The following MAN1A1 variants were observed in gnomAD, a reference collection of about 807,000 sequenced individuals.
The protein encoded by MAN1A1 is mannosidase alpha class 1A member 1, also known as mannosyl-oligosaccharide 1,2-alpha-mannosidase IA.
MAN1A1 carries 29 observed loss-of-function variants against 70.8 expected under a neutral mutation model. The ratio of observed to expected loss-of-function variants is 0.41; its 90% CI spans 0.31 to 0.56. The LOEUF (loss-of-function observed/expected upper bound fraction) is 0.56, where lower values mean the gene tolerates loss of function less well. MAN1A1 is among the 20% of genes least tolerant of loss of function. The probability of loss-of-function intolerance (pLI) is 0.29; values close to 1 mark genes in which losing one functional copy is unlikely to be tolerated. For synonymous variants in MAN1A1, 349 were observed against 330.1 expected, an observed-to-expected ratio of 1.06 and a Z score of -0.62; for missense variants, 747 against 841.3, an observed-to-expected ratio of 0.89 and a Z score of 1.39.
chr6:119,290,742 C>A lies in MAN1A1; in HGVS notation c.838G>T (p.Glu280Ter), dbSNP rs1285612813. 2 of 1,609,570 alleles carry A rather than the reference C, an allele frequency of 1.2e-6. No individual in the cohort carries two copies. Among genetic ancestry groups the A allele is most frequent in the Non-Finnish European group, 1.7e-6 (2 of 1,177,256 alleles). Residue 280 changes from glutamate (E) to a stop codon, truncating the protein, a stop_gained, in exon 5 of 13, where the codon GAA becomes TAA. Transcript: ENST00000368468. LOFTEE classifies it high-confidence loss of function. ...CCACCAACAAAGCGTATATTTACTT[C>A]AAAGACAGAAATTTCAGCATTCTAT... ...FNVNAEISVF[E>*]VNIRFVGGLL...
chr6:119,313,414 T>C (rs189704859), intron 2 of MAN1A1, among the ~76,000 whole-genome samples: 120 of 152,286 alleles, frequency 7.9e-4, no homozygotes, highest in Admixed American at 1.4e-3. Context: ...TAGTTTCCAA[T>C]TTTACCCCAT....
intron 2 of MAN1A1, among the ~76,000 whole-genome samples, chr6:119,341,503 G>A (rs1773592229): frequency 6.6e-6 from 1 of 152,152 alleles, no homozygotes; most frequent in Non-Finnish European, 1.5e-5. Context: ...GGGAATCTCA[G>A]GAAGTCACAG....
chr6:119,225,118 T>C (rs1281295468), intron 6 of MAN1A1, among the ~76,000 whole-genome samples: 1 of 152,016 alleles, frequency 6.6e-6, no homozygotes, highest in African/African-American at 2.4e-5. Flanking sequence ...CACTCCAGCC[T>C]GGGCAACAGA....
chr6:119,301,257 A>G (rs542884682), intron 4 of MAN1A1, among the ~76,000 whole-genome samples: 2 of 152,318 alleles, frequency 1.3e-5, no homozygotes, highest in South Asian at 2.1e-4. Flanking sequence ...TTCTCTTAGT[A>G]TAAGTTCTTT....
At chr6:119,218,773 G>A (rs115251503) in intron 6 of MAN1A1, among the ~76,000 whole-genome samples, 10 of 152,292 alleles carry the variant, frequency 6.6e-5, no homozygotes, top group Non-Finnish European at 1.0e-4. Context: ...CTGGGATGGC[G>A]TACTGGCCAG....
chr6:119,344,764 T>G (rs1360230355), intron 2 of MAN1A1, among the ~76,000 whole-genome samples: 2 of 152,228 alleles, frequency 1.3e-5, no homozygotes, highest in African/African-American at 4.8e-5. Context: ...TAATATAAAT[T>G]ATAGGCTATA....
chr6:119,182,520 TG>T (rs369771259), intron 11 of MAN1A1, among the ~76,000 whole-genome samples: 43 of 151,668 alleles, frequency 2.8e-4, no homozygotes, highest in African/African-American at 8.3e-4. Flanking sequence ...CATTTTGAGT[TG>T]TTTTTTTTTT....
chr6:119,189,767 C>T lies in MAN1A1; in HGVS notation c.1443G>A (p.Met481Ile), dbSNP rs749493890. The change falls in exon 10 of 13, where the codon ATG becomes ATA. Residue 481 changes from methionine to isoleucine, a missense_variant. Physicochemically the swap from Met to Ile is conservative, Grantham distance 10. This residue lies in a region of MAN1A1 where 419 missense variants were observed against 548.2 expected (regional missense o/e 0.76). Coordinates refer to ENST00000368468, the MANE Select transcript of MAN1A1 (RefSeq NM_005907.4). Reference sequence around the variant, plus strand: ...GAGCTGCATCAGCCCCGAGTGCGAACATGCCCCCCGCGAAGCAGGTCAGGT... The same window carrying T: ...GAGCTGCATCAGCCCCGAGTGCGAATATGCCCCCCGCGAAGCAGGTCAGGT... ...MGHLTCFAGG[M>I]FALGADAAPE... 2 of 1,614,044 alleles carry T rather than the reference C, an allele frequency of 1.2e-6. No homozygotes were observed. Among genetic ancestry groups the T allele is most frequent in the African/African-American group, 2.7e-5 (2 of 74,936 alleles).
chr6:119,321,314 A>G (rs927895155), intron 2 of MAN1A1, among the ~76,000 whole-genome samples: 1 of 152,220 alleles, frequency 6.6e-6, no homozygotes, highest in Non-Finnish European at 1.5e-5. Context: ...CAAACAGAGA[A>G]GTATGACCTT....
chr6:119,216,735 T>A (rs1177883368), intron 6 of MAN1A1, among the ~76,000 whole-genome samples: 1 of 152,132 alleles, frequency 6.6e-6, no homozygotes, highest in African/African-American at 2.4e-5. Context: ...AACATACATA[T>A]GGTAAAAAAT....
chr6:119,302,758 A>T (rs1226287435), intron 3 of MAN1A1, among the ~76,000 whole-genome samples: 1 of 152,226 alleles, frequency 6.6e-6, no homozygotes, highest in Non-Finnish European at 1.5e-5. Context: ...ATGTAATTAC[A>T]TCAAAGTGCA....
At chr6:119,196,401 G>C (rs147344403) in intron 8 of MAN1A1, among the ~76,000 whole-genome samples, 1 of 151,792 alleles carries the variant, frequency 6.6e-6, no homozygotes, top group East Asian at 1.9e-4. Context: ...CACTCACTAA[G>C]CTTCCTTCAG....
At chr6:119,339,631 A>C in intron 2 of MAN1A1, among the ~76,000 whole-genome samples, 1 of 152,064 alleles carries the variant, frequency 6.6e-6, no homozygotes, top group East Asian at 1.9e-4. Context: ...TGTGCTTTCA[A>C]ATTTTTCTTT....
chr6:119,325,097 C>T (rs1315952894), intron 2 of MAN1A1, among the ~76,000 whole-genome samples: 1 of 152,160 alleles, frequency 6.6e-6, no homozygotes, highest in Non-Finnish European at 1.5e-5. Context: ...ATAGTAGTTA[C>T]AATTCCAGAC....
intron 5 of MAN1A1, among the ~76,000 whole-genome samples, chr6:119,252,570 G>A (rs1473199320): frequency 6.6e-6 from 1 of 152,086 alleles, no homozygotes; most frequent in Non-Finnish European, 1.5e-5. Context: ...GAGGCGGGTG[G>A]ATCACGAAGT....
At chr6:119,274,635 T>C (rs1366630436) in intron 5 of MAN1A1, among the ~76,000 whole-genome samples, 1 of 152,170 alleles carries the variant, frequency 6.6e-6, no homozygotes, top group Non-Finnish European at 1.5e-5. Context: ...CCATTTTCAA[T>C]ATGCCTGAGA....
At chr6:119,216,282 G>A (rs1024556818) in intron 6 of MAN1A1, among the ~76,000 whole-genome samples, 5 of 152,214 alleles carry the variant, frequency 3.3e-5, no homozygotes, top group African/African-American at 1.2e-4. Flanking sequence ...CATAAAAGGA[G>A]GAGTGTAGGC....
chr6:119,211,814 CT>C (rs556182640), intron 6 of MAN1A1, among the ~76,000 whole-genome samples: 29 of 144,444 alleles, frequency 2.0e-4, no homozygotes, highest in East Asian at 6.1e-4. Context: ...TTAAGCTTAT[CT>C]TTTTTTTTTA....
At chr6:119,184,920 G>A (rs935877268) in intron 11 of MAN1A1, among the ~76,000 whole-genome samples, 4 of 151,708 alleles carry the variant, frequency 2.6e-5, no homozygotes, top group South Asian at 2.1e-4. Context: ...AGAGAGTCTC[G>A]CTCTGTTGCT....
Sources: allele counts gnomAD v4.1 joint callset (sites outside exome capture counted in the v4.1 genomes callset), GRCh38; gene constraint gnomAD v4.1.1; regional missense constraint gnomAD v4.1.1; transcripts MANE v1.5; gene names NCBI Gene and HGNC (gene_info 2026-07-23, HGNC 2026-07-21).